TRPS1: variants seen among roughly 807,000 people sequenced by gnomAD.
The protein encoded by TRPS1 is zinc finger transcription factor Trps1.
Under a neutral mutation model 101.2 loss-of-function variants are expected in TRPS1, and 6 were observed. The ratio of observed to expected loss-of-function variants is 0.06; its 90% CI spans 0.03 to 0.12. TRPS1 has a LOEUF of 0.12. Ranked by LOEUF, TRPS1 falls within the 10% of genes least tolerant of loss-of-function variation. TRPS1 has a pLI of 1.00. For missense variants in TRPS1, 1,363 were observed against 1,567.0 expected (o/e 0.87, Z 2.20); for synonymous variants, 578 against 589.8 (o/e 0.98, Z 0.29).
chr8:115,632,767 CA>C (rs1241264682), intron 1 of TRPS1, among the ~76,000 whole-genome samples: 2 of 152,042 alleles, frequency 1.3e-5, no homozygotes, highest in Non-Finnish European at 2.9e-5. Flanking sequence ...GTGTAAAGTT[CA>C]AAAACAAGTA....
intron 5 of TRPS1, among the ~76,000 whole-genome samples, chr8:115,447,108 G>T (rs1813756479): frequency 6.6e-6 from 1 of 152,128 alleles, no homozygotes; most frequent in Non-Finnish European, 1.5e-5. Flanking sequence ...AGGGTCTCCT[G>T]TAGTGAGTCT....
At chr8:115,468,994 T>C (rs1814396224) in intron 5 of TRPS1, among the ~76,000 whole-genome samples, 1 of 151,686 alleles carries the variant, frequency 6.6e-6, no homozygotes, top group Non-Finnish European at 1.5e-5. Flanking sequence ...AATTTAAAAA[T>C]ATCCAGGCAT....
chr8:115,432,745 T>C (rs1003024881), intron 5 of TRPS1, among the ~76,000 whole-genome samples: 3 of 151,954 alleles, frequency 2.0e-5, no homozygotes, highest in Non-Finnish European at 4.4e-5. Context: ...AAAAATAGAT[T>C]TGTGTAAGTT....
rs551335175 is a variant in TRPS1, at chr8:115,566,421, C to A, written c.2700+20580G>T. ...GAAGTGATGCAGATCTAGAACCTTGCTAGTGAGCTCCAGGTTATGTGGCAC... is the reference window on the plus strand; with the variant it reads ...GAAGTGATGCAGATCTAGAACCTTGATAGTGAGCTCCAGGTTATGTGGCAC... On this transcript the variant is annotated intron_variant, in intron 5 of 6. Transcript: ENST00000395715. Among the ~76,000 whole-genome samples, 103 of 152,190 alleles carry A rather than the reference C, an allele frequency of 6.8e-4. No individual in the cohort carries two copies. The East Asian group carries it at 8.9e-3, about 13-fold the overall frequency.
chr8:115,668,197 C>T, intron 1 of TRPS1: 1 of 487,744 alleles, frequency 2.1e-6, no homozygotes, highest in African/African-American at 2.0e-5. Flanking sequence ...ATGCCTCAGA[C>T]CCACCAAAAG....
At chr8:115,555,002 G>T (rs2130351046) in intron 5 of TRPS1, among the ~76,000 whole-genome samples, 1 of 152,244 alleles carries the variant, frequency 6.6e-6, no homozygotes, top group African/African-American at 2.4e-5. Flanking sequence ...AACACTGAGG[G>T]ACTCTCTTTC....
At chr8:115,637,727 C>T (rs1818802796) in intron 1 of TRPS1, among the ~76,000 whole-genome samples, 1 of 152,118 alleles carries the variant, frequency 6.6e-6, no homozygotes, top group East Asian at 1.9e-4. Context: ...TGAGTAGGTG[C>T]TGCTTAATAA....
chr8:115,587,851 C>T (rs2130447070), intron 4 of TRPS1, among the ~76,000 whole-genome samples: 1 of 152,342 alleles, frequency 6.6e-6, no homozygotes, highest in Non-Finnish European at 1.5e-5. Context: ...CACACACACA[C>T]ACACGCATCG....
chr8:115,415,531 A>G (rs142750520), intron 6 of TRPS1, among the ~76,000 whole-genome samples: 3 of 152,184 alleles, frequency 2.0e-5, no homozygotes, highest in Non-Finnish European at 2.9e-5. Context: ...TACAGACAGA[A>G]TAAGTTTATA....
Position 115,410,926 on chromosome 8 carries a change from G to A in TRPS1, c.*3097C>T, listed in dbSNP as rs931537190. On this transcript the variant is annotated 3_prime_UTR_variant, in exon 7 of 7. Coordinates refer to ENST00000395715, the MANE Select transcript of TRPS1 (RefSeq NM_014112.5). The stretch of plus-strand genomic sequence containing the variant: ...AAAAAGTTCCGTACCATAATAGCTC[G>A]TTTAAAATCACAATTTAAGATAAAA... 1.1e-4 allele frequency: 17 copies of A among 151,114 alleles called. No homozygotes were observed. The highest frequency in any genetic ancestry group is 4.1e-4 in the African/African-American group (17 of 41,082). The allele number at this position is 151,114 out of a possible 1,614,324, so 9.4% of individuals were successfully genotyped here.
chr8:115,480,233 T>C (rs946827575), intron 5 of TRPS1, among the ~76,000 whole-genome samples: 26 of 152,212 alleles, frequency 1.7e-4, no homozygotes, highest in African/African-American at 6.0e-4. Flanking sequence ...GCCTAATCTA[T>C]AGCTTTCAAC....
chr8:115,461,699 T>C (rs981908850), intron 5 of TRPS1, among the ~76,000 whole-genome samples: 1 of 152,168 alleles, frequency 6.6e-6, no homozygotes, highest in Admixed American at 6.5e-5. Context: ...AAACATATTA[T>C]GAAGTTTTCT....
intron 5 of TRPS1, among the ~76,000 whole-genome samples, chr8:115,442,323 A>G (rs1813618900): frequency 6.6e-6 from 1 of 152,186 alleles, no homozygotes; most frequent in Non-Finnish European, 1.5e-5. Flanking sequence ...GAAAAAATAC[A>G]TTTAATTTTC....
chr8:115,484,714 G>C (rs1386427020), intron 5 of TRPS1, among the ~76,000 whole-genome samples: 2 of 152,130 alleles, frequency 1.3e-5, no homozygotes, highest in Non-Finnish European at 2.9e-5. Flanking sequence ...TCTGACAGTA[G>C]GGGTAAGATG....
intron 5 of TRPS1, among the ~76,000 whole-genome samples, chr8:115,426,012 C>CT (rs1238536642): frequency 3.9e-5 from 6 of 152,156 alleles, no homozygotes; most frequent in Admixed American, 2.6e-4. Context: ...TCTGCACTGT[C>CT]TTTTTTTTCA....
At chr8:115,568,617 T>C (rs1817126225) in intron 5 of TRPS1, among the ~76,000 whole-genome samples, 1 of 152,098 alleles carries the variant, frequency 6.6e-6, no homozygotes, top group African/African-American at 2.4e-5. Flanking sequence ...CTCTAAAAAA[T>C]ATATCAGAAA....
rs1226818715 is a variant in TRPS1, at chr8:115,647,889, C to T, written c.-122+20656G>A. Among the ~76,000 whole-genome samples, 3 of 150,392 alleles carry T rather than the reference C, an allele frequency of 2.0e-5. No individual in the cohort carries two copies. The East Asian group carries it at 5.8e-4, about 29-fold the overall frequency. On this transcript the variant is annotated intron_variant, in intron 1 of 6. Transcript: ENST00000395715. ...AAATTTTTTTGTATTTACATTAGTG[C>T]TTAATTTTAATATGTGACAAAAAAA...
At chr8:115,432,489 TCA>T (rs1813346190) in intron 5 of TRPS1, among the ~76,000 whole-genome samples, 3 of 151,788 alleles carry the variant, frequency 2.0e-5, no homozygotes, top group Admixed American at 2.0e-4. Flanking sequence ...TAATTTTTAT[TCA>T]TATTTGTATT....
chr8:115,619,063 T>C (rs956414016), intron 3 of TRPS1, 69 bp downstream of exon 3: 2 of 1,565,054 alleles, frequency 1.3e-6, no homozygotes, highest in African/African-American at 1.4e-5. Context: ...GGTTTTAACA[T>C]GAATATAAGA....
Sources: gnomAD v4.1 joint callset for allele counts (sites outside exome capture counted in the v4.1 genomes callset) on GRCh38, gnomAD v4.1.1 for gene constraint, MANE v1.5 for transcripts, NCBI Gene and HGNC (gene_info 2026-07-23, HGNC 2026-07-21) for gene names.